Variants in DNAH1 observed in about 807,000 individuals in gnomAD.
DNAH1 encodes the protein dynein axonemal heavy chain 1.
In DNAH1, 327 loss-of-function variants were observed where a neutral mutation model predicts 484.3. That is an observed-to-expected ratio of 0.68 (90% CI 0.62 to 0.74). DNAH1 has a LOEUF of 0.74. Among genes scored for constraint, DNAH1 ranks in the 30% least tolerant of loss-of-function variants. The probability of loss-of-function intolerance (pLI) is 0.00; values close to 1 mark genes in which losing one functional copy is unlikely to be tolerated. For missense variants in DNAH1, 5,052 were observed against 5,546.8 expected (o/e 0.91, Z 2.83); for synonymous variants, 2,192 against 2,191.9 (o/e 1.00, Z 0.00).
At chr3:52,397,398 G>GGGTCATC (rs1704683666) in intron 73 of DNAH1, among the ~76,000 whole-genome samples, 1 of 152,190 alleles carries the variant, frequency 6.6e-6, no homozygotes, top group Non-Finnish European at 1.5e-5. Flanking sequence ...GAAGCCATGA[G>GGGTCATC]CCAGGGCTGG....
rs549953056 is a variant in DNAH1, at chr3:52,395,376, C to G, written c.11037C>G (p.Pro3679=). The G allele has an allele frequency of 1.2e-5, 20 of 1,613,724 alleles. No homozygotes were observed. The highest frequency in any genetic ancestry group is 1.6e-5 in the Non-Finnish European group (19 of 1,179,876). The change falls in exon 69 of 78, where the codon CCC becomes CCG. Residue 3679 remains proline (P), a synonymous_variant. Transcript: ENST00000420323. The surrounding 1 kb of genome is among the most constrained non-coding windows in gnomAD (Gnocchi z 4.4). ...CACCCCTCATCTTTGTGCTGTCACC[C>G]GGCACAGACCCTGCTGCCGACCTCT... is the stretch of plus-strand genomic sequence containing the variant. ...STTPLIFVLS[P]GTDPAADLYK... is the part of the protein sequence containing the mutation.
At chr3:52,334,541 C>T (rs1489204249) in intron 8 of DNAH1, among the ~76,000 whole-genome samples, 2 of 152,170 alleles carry the variant, frequency 1.3e-5, no homozygotes, top group African/African-American at 4.8e-5. Flanking sequence ...ATAATCCCAG[C>T]ACTTTGGGGG....
chr3:52,365,154 C>T, intron 34 of DNAH1, 135 bp downstream of exon 34: 1 of 1,250,336 alleles, frequency 8.0e-7, no homozygotes, highest in Non-Finnish European at 1.1e-6. Context: ...GGCCCGGGCT[C>T]TCAGCCGAGC....
chr3:52,369,864 G>A lies in DNAH1; in HGVS notation c.5983G>A (p.Ala1995Thr), dbSNP rs1260123056. The A allele has an allele frequency of 6.2e-7, 1 of 1,612,786 alleles. No individual in the cohort carries two copies. The highest frequency in any genetic ancestry group is 8.5e-7 in the Non-Finnish European group (1 of 1,179,094). ...GTTCGAGGTGCAAGACCTGGCGGTG[G>A]CTTCACCAGCTACAGTCTCCCGCTG... ...MMFEVQDLAV[A>T]SPATVSRCGM... The change falls in exon 38 of 78, where the codon GCT becomes ACT. Residue 1995 changes from alanine to threonine, a missense_variant. Coordinates refer to ENST00000420323, the MANE Select transcript of DNAH1 (RefSeq NM_015512.5).
In DNAH1 at chr3:52,336,090, CT is replaced by C. The variant is rs1701734824; in HGVS notation, c.1286+3700del. ...TGTCTGTTTACTCTGTTGATACTTT[CT>C]TTTGCTGTGCAAAAGCTCTTGAATT... On this transcript the variant is annotated intron_variant, in intron 8 of 77. Coordinates refer to ENST00000420323, the MANE Select transcript of DNAH1 (RefSeq NM_015512.5). Among the ~76,000 whole-genome samples, 5 of 152,232 alleles carry C rather than the reference CT, an allele frequency of 3.3e-5. No individual in the cohort carries two copies. In the South Asian group the frequency reaches 1.0e-3, roughly 32 times the overall value.
At chr3:52,350,377 C>G in intron 15 of DNAH1, 131 bp from the exon 16 acceptor site, 1 of 996,308 alleles carries the variant, frequency 1.0e-6, no homozygotes, top group Non-Finnish European at 1.5e-6. Flanking sequence ...TGGGCCTCCT[C>G]CCCTGGCCCA....
In DNAH1 at chr3:52,362,585, A is replaced by T. The variant is rs1350952146; in HGVS notation, c.5094+84A>T. On this transcript the variant is annotated intron_variant, in intron 31 of 77. Transcript: ENST00000420323. This position sits in a 1 kb window ranked among gnomAD's most constrained non-coding sequence, Gnocchi z 5.1. ...TGCTAAGCCACTTATGCAAGGACAC[A>T]GTTGCTTGGACTCCAGGGACTGTGA... is the stretch of plus-strand genomic sequence containing the variant. 8.9e-6 allele frequency: 11 copies of T among 1,234,506 alleles called. No homozygotes were observed. Among genetic ancestry groups the T allele is most frequent in the Non-Finnish European group, 1.0e-5 (9 of 868,778 alleles). 76.5% of individuals were successfully genotyped at this position (1,234,506 alleles called of 1,614,324 possible).
rs1701536706 is a variant in DNAH1 at position 52,331,251 on chromosome 3, A to G, written c.975A>G (p.Lys325=). ...KLYLVHKTDE[K]GLVRDEMGRP... Reference sequence around the variant, plus strand: ...ACCTGGTACACAAGACAGACGAGAAAGGCCTGGTGCGAGATGAGATGGGGA... The same window carrying G: ...ACCTGGTACACAAGACAGACGAGAAGGGCCTGGTGCGAGATGAGATGGGGA... The change falls in exon 7 of 78, where the codon AAA becomes AAG. Residue 325 remains lysine, a synonymous_variant. Coordinates refer to ENST00000420323, the MANE Select transcript of DNAH1 (RefSeq NM_015512.5). The G allele has an allele frequency of 1.2e-6, 2 of 1,611,684 alleles. No homozygotes were observed. Among genetic ancestry groups the G allele is most frequent in the East Asian group, 2.2e-5 (1 of 44,848 alleles).
chr3:52,327,698 A>G (rs1476479821), intron 5 of DNAH1, among the ~76,000 whole-genome samples, 184 bp from the exon 6 acceptor site: 1 of 151,960 alleles, frequency 6.6e-6, no homozygotes, highest in Non-Finnish European at 1.5e-5. Flanking sequence ...GAGAGGCTCA[A>G]CCCCCAGTCC....
chr3:52,324,746 C>T (rs899333960), intron 3 of DNAH1, among the ~76,000 whole-genome samples: 19 of 152,140 alleles, frequency 1.2e-4, no homozygotes, highest in Admixed American at 5.2e-4. Context: ...GGTTACTAAC[C>T]GCAGATCTCA....
intron 22 of DNAH1, among the ~76,000 whole-genome samples, chr3:52,357,103 C>T (rs1247598643): frequency 4.0e-5 from 6 of 148,974 alleles, no homozygotes; most frequent in Non-Finnish European, 7.4e-5. Flanking sequence ...GGTGCAATCT[C>T]GGCTCACTGC....
chr3:52,321,045 C>T (rs1214097795), intron 1 of DNAH1, among the ~76,000 whole-genome samples: 2 of 151,972 alleles, frequency 1.3e-5, no homozygotes, highest in Non-Finnish European at 2.9e-5. Context: ...AGTGATCCAC[C>T]CACGTCAGCC....
intron 75 of DNAH1, among the ~76,000 whole-genome samples, chr3:52,398,624 C>T (rs1419983294): frequency 6.6e-6 from 1 of 152,082 alleles, no homozygotes; most frequent in Non-Finnish European, 1.5e-5. Context: ...ATTTTGTAGA[C>T]GAGTAAACTG....
At chr3:52,334,499 C>T (rs1388439960) in intron 8 of DNAH1, among the ~76,000 whole-genome samples, 1 of 152,066 alleles carries the variant, frequency 6.6e-6, no homozygotes, top group Non-Finnish European at 1.5e-5. Context: ...TAACCCAACA[C>T]ACCTTAGGGC....
intron 3 of DNAH1, among the ~76,000 whole-genome samples, chr3:52,325,488 A>G (rs1701302925): frequency 6.6e-6 from 1 of 152,094 alleles, no homozygotes; most frequent in Admixed American, 6.6e-5. Context: ...TTTGCCTGGG[A>G]CTTTCTTCTC....
intron 5 of DNAH1, 92 bp downstream of exon 5, chr3:52,326,983 C>A: frequency 6.9e-7 from 1 of 1,444,978 alleles, no homozygotes; most frequent in Non-Finnish European, 9.3e-7. Context: ...AGGGGATTCC[C>A]CCACCAGTCA....
intron 16 of DNAH1, among the ~76,000 whole-genome samples, chr3:52,351,132 G>A (rs1166968613): frequency 6.6e-6 from 1 of 152,222 alleles, no homozygotes; most frequent in Non-Finnish European, 1.5e-5. Flanking sequence ...TTATAGGCGT[G>A]AGCCACCGCG....
intron 60 of DNAH1, among the ~76,000 whole-genome samples, chr3:52,390,230 C>G (rs758144339): frequency 1.3e-5 from 2 of 152,166 alleles, no homozygotes; most frequent in African/African-American, 4.8e-5. Flanking sequence ...TTTGGGAGGC[C>G]AAGGCAAGTG....
In DNAH1 at chr3:52,372,981, G is replaced by A. The variant is rs779863598; in HGVS notation, c.6913G>A (p.Gly2305Ser). ...DLNMPALETY[G>S]AQPPIELLRQ... ...GAACATGCCGGCCCTGGAGACCTAC[G>A]GTGCACAGCCACCCATCGAGCTGTT... Residue 2305 changes from glycine (G) to serine (S), a missense_variant, in exon 44 of 78, where the codon GGT (glycine) becomes AGT (serine). By Grantham distance (56) the Gly-to-Ser change is moderately conservative. Transcript: ENST00000420323. 4.6e-5 allele frequency: 75 copies of A among 1,613,776 alleles called. No individual in the cohort carries two copies. The highest frequency in any genetic ancestry group is 3.3e-4 in the Middle Eastern group (2 of 6,062).
Sources: allele counts gnomAD v4.1 joint callset (sites outside exome capture counted in the v4.1 genomes callset), GRCh38; gene constraint gnomAD v4.1.1; non-coding constraint Gnocchi (gnomAD v3.1); transcripts MANE v1.5; gene names NCBI Gene and HGNC (gene_info 2026-07-23, HGNC 2026-07-21).